GHR: variants seen among roughly 807,000 people sequenced by gnomAD.
GHR encodes GH receptor.
In GHR, 35 loss-of-function variants were observed where a neutral mutation model predicts 67.1. The observed-to-expected ratio is 0.52, with a 90% CI of 0.40 to 0.69. GHR has a LOEUF of 0.69. Among genes scored for constraint, GHR ranks in the 30% least tolerant of loss-of-function variants. GHR has a pLI of 0.00. For synonymous variants in GHR, 272 were observed against 269.1 expected (o/e 1.01, Z -0.10); for missense variants, 792 against 764.6 (o/e 1.04, Z -0.42).
intron 2 of GHR, among the ~76,000 whole-genome samples, chr5:42,617,845 A>G (rs1753243190): frequency 6.6e-6 from 1 of 152,128 alleles, no homozygotes; most frequent in Admixed American, 6.5e-5. Flanking sequence ...GAATTCAAAC[A>G]AGGAAACAAA....
At chr5:42,467,079 A>T (rs1561320133) in intron 1 of GHR, 2 of 1,584,028 alleles carry the variant, frequency 1.3e-6, no homozygotes, top group African/African-American at 2.7e-5. Context: ...GGATTCTCTG[A>T]TGAATAAGTA....
intron 1 of GHR, among the ~76,000 whole-genome samples, chr5:42,438,093 A>G (rs959077120): frequency 5.3e-5 from 8 of 152,308 alleles, no homozygotes; most frequent in African/African-American, 1.9e-4. Flanking sequence ...TGGACACTCA[A>G]TTAGTTTGCT....
chr5:42,613,579 C>T (rs1752990205), intron 2 of GHR, among the ~76,000 whole-genome samples: 1 of 152,054 alleles, frequency 6.6e-6, no homozygotes, highest in African/African-American at 2.4e-5. Flanking sequence ...CAGGAAAAAT[C>T]ACCTGTAAAT....
chr5:42,651,857 A>T (rs1755033182), intron 3 of GHR, among the ~76,000 whole-genome samples: 1 of 152,204 alleles, frequency 6.6e-6, no homozygotes, highest in African/African-American at 2.4e-5. Flanking sequence ...AAAATTAGCC[A>T]GAAAAACTTC....
intron 1 of GHR, among the ~76,000 whole-genome samples, chr5:42,534,212 A>ATATGTACATGTGTATATGTGTATATG (rs1748125750): frequency 5.9e-5 from 7 of 119,366 alleles, no homozygotes; most frequent in African/African-American, 3.0e-4. Context: ...ATATGTATAT[A>ATATGTACATGTGTATATGTGTATATG]TGTATATATG....
chr5:42,529,840 G>A (rs1747879781), intron 1 of GHR, among the ~76,000 whole-genome samples: 1 of 152,064 alleles, frequency 6.6e-6, no homozygotes, highest in African/African-American at 2.4e-5. Flanking sequence ...TTACCTAGGG[G>A]ATGGTCTTCA....
intron 6 of GHR, among the ~76,000 whole-genome samples, chr5:42,706,923 A>G (rs1431643255): frequency 3.3e-5 from 5 of 152,110 alleles, no homozygotes; most frequent in Non-Finnish European, 7.4e-5. Context: ...ATCTGTGAAA[A>G]ATTACATTGA....
At chr5:42,691,156 A>ATT (rs1757404725) in intron 4 of GHR, among the ~76,000 whole-genome samples, 1 of 152,178 alleles carries the variant, frequency 6.6e-6, no homozygotes, top group South Asian at 2.1e-4. Flanking sequence ...ACTACCAAGG[A>ATT]TGCTGCTGAA....
rs143576406 is a variant in GHR, at chr5:42,668,452, C to A, written c.137-20438C>A. ...CTAGATGCCAGTATCACCCTTTACC[C>A]CAGTCTTGAGAACCAAAAATGTCTC... is the stretch of plus-strand genomic sequence containing the variant. On this transcript the variant is annotated intron_variant, in intron 3 of 9. Transcript: ENST00000230882. Among the ~76,000 whole-genome samples the A allele has an allele frequency of 1.9e-3, 284 of 152,192 alleles. 2 individuals are homozygous for A. The highest frequency in any genetic ancestry group is 6.5e-3 in the African/African-American group (272 of 41,532).
chr5:42,711,918 G>A lies in GHR; in HGVS notation c.784+546G>A, dbSNP rs146171651. Among the ~76,000 whole-genome samples, 449 of 152,204 alleles carry A rather than the reference G, an allele frequency of 2.9e-3. 2 individuals are homozygous for A. Among genetic ancestry groups the A allele is most frequent in the African/African-American group, 0.01 (423 of 41,554 alleles). On this transcript the variant is annotated intron_variant, in intron 7 of 9. Transcript: ENST00000230882. ...AAGTAGTGTGGCAGTCATACTTAAA[G>A]GAGACGTGGAACATTTGAAAACCCT... is the stretch of plus-strand genomic sequence containing the variant.
Position 42,711,269 on chromosome 5 carries a change from A to C in GHR, c.681A>C (p.Glu227Asp), listed in dbSNP as rs752323724. 5 of 1,612,410 alleles carry C rather than the reference A, an allele frequency of 3.1e-6. No homozygotes were observed. In the South Asian group the frequency reaches 5.5e-5, roughly 18 times the overall value. The change falls in exon 7 of 10, where the codon GAA (glutamate) becomes GAC (aspartate). Residue 227 changes from glutamate (E) to aspartate (D), a missense_variant. By Grantham distance (45) the Glu-to-Asp change is conservative (BLOSUM62 2). Coordinates refer to ENST00000230882, the MANE Select transcript of GHR (RefSeq NM_000163.5). ...CATTGAAAGTGGATAAGGAATATGA[A>C]GTGCGTGTGAGATCCAAACAACGAA... Reference protein sequence around the residue: ...VYSLKVDKEYEVRVRSKQRNS... With the variant: ...VYSLKVDKEYDVRVRSKQRNS...
chr5:42,443,791 G>T (rs151098402), intron 1 of GHR, among the ~76,000 whole-genome samples: 67 of 152,166 alleles, frequency 4.4e-4, no homozygotes, highest in African/African-American at 1.6e-3. Context: ...TCAGTCTTTG[G>T]CTCTATTAAG....
At chr5:42,541,879 A>G (rs373096891) in intron 1 of GHR, among the ~76,000 whole-genome samples, 5 of 152,210 alleles carry the variant, frequency 3.3e-5, no homozygotes. Flanking sequence ...ACACTCTTGA[A>G]TGAATAGATT....
At chr5:42,433,283 A>G (rs941081717) in intron 1 of GHR, among the ~76,000 whole-genome samples, 2 of 151,988 alleles carry the variant, frequency 1.3e-5, no homozygotes, top group African/African-American at 4.8e-5. Flanking sequence ...CTCGGTGCAT[A>G]TAGGGAGAGA....
intron 1 of GHR, among the ~76,000 whole-genome samples, chr5:42,499,245 C>T (rs1302537682): frequency 1.3e-5 from 2 of 152,242 alleles, no homozygotes; most frequent in East Asian, 3.9e-4. Context: ...TGGATTGCAT[C>T]ATCTTGGCAG....
chr5:42,507,870 A>G (rs909505029), intron 1 of GHR, among the ~76,000 whole-genome samples: 3 of 152,108 alleles, frequency 2.0e-5, no homozygotes, highest in Non-Finnish European at 2.9e-5. Context: ...TCTAATCTCC[A>G]TTGTTCAAAC....
intron 2 of GHR, among the ~76,000 whole-genome samples, chr5:42,623,697 C>A (rs1753567770): frequency 6.6e-6 from 1 of 152,156 alleles, no homozygotes; most frequent in African/African-American, 2.4e-5. Context: ...CTTTATAGAT[C>A]CCTGCCTAGA....
chr5:42,505,566 G>A (rs1209226619), intron 1 of GHR, among the ~76,000 whole-genome samples: 1 of 152,128 alleles, frequency 6.6e-6, no homozygotes, highest in East Asian at 1.9e-4. Context: ...AATCCAGGAA[G>A]GAGACATTAG....
At chr5:42,435,886 C>G (rs1743302013) in intron 1 of GHR, among the ~76,000 whole-genome samples, 1 of 152,134 alleles carries the variant, frequency 6.6e-6, no homozygotes, top group Non-Finnish European at 1.5e-5. Context: ...GATGTTGAAT[C>G]CAACATCATG....
Sources: allele counts gnomAD v4.1 joint callset (sites outside exome capture counted in the v4.1 genomes callset), GRCh38; gene constraint gnomAD v4.1.1; transcripts MANE v1.5; gene names NCBI Gene and HGNC (gene_info 2026-07-23, HGNC 2026-07-21).